The following HACD2 variants were observed in gnomAD, a reference collection of about 807,000 sequenced individuals.
HACD2 encodes the protein 3-hydroxyacyl-CoA dehydratase 2.
HACD2 carries 15 observed loss-of-function variants against 31.0 expected under a neutral mutation model. The observed-to-expected ratio is 0.48, with a 90% CI of 0.32 to 0.75. The LOEUF (loss-of-function observed/expected upper bound fraction) is 0.75. HACD2 is among the 30% of genes least tolerant of loss of function. The pLI is 0.03. For synonymous variants in HACD2, 115 were observed against 122.2 expected (o/e 0.94, Z 0.39); for missense variants, 283 against 313.0 (o/e 0.90, Z 0.72).
intron 3 of HACD2, among the ~76,000 whole-genome samples, chr3:123,537,630 AT>A (rs373145462): frequency 0.024 from 3,701 of 151,344 alleles, 66 homozygotes; most frequent in Middle Eastern, 0.089. Context: ...AAGTTTTAAA[AT>A]TTTTTTTTGA....
intron 2 of HACD2, 26 bp from the exon 3 acceptor site, chr3:123,567,806 GGA>G (rs1559932545): frequency 6.9e-7 from 1 of 1,447,504 alleles, no homozygotes; most frequent in East Asian, 2.4e-5. Flanking sequence ...GGAAAAAAGA[GGA>G]GAATTAGTAA....
At chr3:123,535,176 G>C (rs192607808) in intron 3 of HACD2, among the ~76,000 whole-genome samples, 59 of 152,252 alleles carry the variant, frequency 3.9e-4, no homozygotes, top group Admixed American at 1.6e-3. Context: ...TCCATTCATG[G>C]TAAGTGCCAT....
At chr3:123,520,415 C>T (rs554802420) in intron 4 of HACD2, among the ~76,000 whole-genome samples, 1 of 152,292 alleles carries the variant, frequency 6.6e-6, no homozygotes, top group South Asian at 2.1e-4. Context: ...TCTAATAGTG[C>T]AACTTCTAGT....
chr3:123,536,945 T>C (rs1422651296), intron 3 of HACD2, among the ~76,000 whole-genome samples: 2 of 152,150 alleles, frequency 1.3e-5, no homozygotes, highest in Admixed American at 1.3e-4. Context: ...ACACAAGCTG[T>C]CAGAAACTCA....
chr3:123,521,229 G>T (rs1421138070), intron 4 of HACD2, among the ~76,000 whole-genome samples: 1 of 152,058 alleles, frequency 6.6e-6, no homozygotes. Context: ...AATGAGAGGG[G>T]GTTAGTATCA....
intron 4 of HACD2, among the ~76,000 whole-genome samples, chr3:123,510,079 TA>T (rs1312195047): frequency 1.3e-5 from 2 of 152,170 alleles, no homozygotes; most frequent in Non-Finnish European, 2.9e-5. Context: ...GTGCAACCAT[TA>T]CCACTATCCA....
chr3:123,534,822 T>G (rs2056406507), intron 3 of HACD2, among the ~76,000 whole-genome samples: 1 of 16,354 alleles, frequency 6.1e-5, no homozygotes, highest in African/African-American at 1.2e-4. Flanking sequence ...GTCTTAGTTT[T>G]TAACAAAAAA....
intron 3 of HACD2, among the ~76,000 whole-genome samples, chr3:123,549,391 G>A (rs7649789): frequency 0.4 from 60,281 of 151,912 alleles, 14,685 homozygotes; most frequent in African/African-American, 0.69. Flanking sequence ...AGGCTACAGT[G>A]TGATAACTGC....
chr3:123,553,426 C>T (rs980875492), intron 3 of HACD2, among the ~76,000 whole-genome samples: 2 of 152,218 alleles, frequency 1.3e-5, no homozygotes, highest in Non-Finnish European at 2.9e-5. Flanking sequence ...AAGTCTTAAA[C>T]ATGGATGGAC....
At chr3:123,541,959 A>G in intron 3 of HACD2, among the ~76,000 whole-genome samples, 1 of 151,820 alleles carries the variant, frequency 6.6e-6, no homozygotes, top group African/African-American at 2.4e-5. Context: ...CATCCCGGCT[A>G]AAACGGTGAA....
Position 123,497,135 on chromosome 3 carries a change from C to G in HACD2, c.683-2165G>C, listed in dbSNP as rs368615264. ...GCTGACCAGAACTATGATTCTGTCTCCATCTGAATCACCTACATGTTCAGA... is the reference window on the plus strand; with the variant it reads ...GCTGACCAGAACTATGATTCTGTCTGCATCTGAATCACCTACATGTTCAGA... On this transcript the variant is annotated intron_variant, in intron 6 of 6. Transcript: ENST00000383657. Among the ~76,000 whole-genome samples the G allele has an allele frequency of 7.2e-5, 11 of 152,326 alleles. No homozygotes were observed. The South Asian group carries it at 2.3e-3, about 32-fold the overall frequency.
intron 3 of HACD2, 55 bp downstream of exon 3, chr3:123,567,707 C>G: frequency 1.8e-6 from 2 of 1,135,814 alleles, no homozygotes; most frequent in Non-Finnish European, 2.4e-6. Flanking sequence ...TCATCTATGA[C>G]TTTTTAAATA....
rs563142111 is a variant in HACD2 at position 123,579,034 on chromosome 3, C to T, written c.273+3178G>A. Among the ~76,000 whole-genome samples, 18 of 152,330 alleles carry T rather than the reference C, an allele frequency of 1.2e-4. No homozygotes were observed. The South Asian group carries it at 1.9e-3, about 16-fold the overall frequency. ...TTGCCTGCATGTTCCTGGGAGTCTTCACTTCCTTATGCACAGACATTTTCC... is the reference window on the plus strand; with the variant it reads ...TTGCCTGCATGTTCCTGGGAGTCTTTACTTCCTTATGCACAGACATTTTCC... On this transcript the variant is annotated intron_variant, in intron 2 of 6. Transcript: ENST00000383657.
chr3:123,580,265 C>T (rs1049349134), intron 2 of HACD2, among the ~76,000 whole-genome samples: 1 of 152,060 alleles, frequency 6.6e-6, no homozygotes, highest in Non-Finnish European at 1.5e-5. Flanking sequence ...TGATCTAGAA[C>T]GTGAGAGTGA....
intron 2 of HACD2, among the ~76,000 whole-genome samples, chr3:123,576,331 T>C (rs905231346): frequency 3.3e-5 from 5 of 152,140 alleles, no homozygotes; most frequent in African/African-American, 1.2e-4. Flanking sequence ...AATTTGCTTC[T>C]ATTTGCTTGA....
At chr3:123,529,283 G>T (rs368708123) in intron 3 of HACD2, among the ~76,000 whole-genome samples, 35 of 152,100 alleles carry the variant, frequency 2.3e-4, no homozygotes, top group African/African-American at 8.2e-4. Context: ...TGTACTTTTG[G>T]TAGAGATAGG....
At chr3:123,526,021 T>C (rs1323158364) in intron 4 of HACD2, among the ~76,000 whole-genome samples, 1 of 151,858 alleles carries the variant, frequency 6.6e-6, no homozygotes, top group Non-Finnish European at 1.5e-5. Context: ...AAGAGAAGGG[T>C]CCAGGGAACA....
At chr3:123,511,665 T>C (rs1165076194) in intron 4 of HACD2, among the ~76,000 whole-genome samples, 1 of 152,224 alleles carries the variant, frequency 6.6e-6, no homozygotes. Context: ...AAATGACTTC[T>C]AGTTGTGCAT....
At chr3:123,543,615 G>A (rs1180361561) in intron 3 of HACD2, 3 of 353,108 alleles carry the variant, frequency 8.5e-6, no homozygotes, top group Admixed American at 8.1e-5. Context: ...CATTTAAAGT[G>A]TCACTATAAA....
Sources: gnomAD v4.1 joint callset for allele counts (sites outside exome capture counted in the v4.1 genomes callset) on GRCh38, gnomAD v4.1.1 for gene constraint, MANE v1.5 for transcripts, NCBI Gene and HGNC (gene_info 2026-07-23, HGNC 2026-07-21) for gene names.